Variants in SNTG1 observed in about 807,000 individuals in gnomAD.
The protein encoded by SNTG1 is gamma-1-syntrophin.
In SNTG1, 39 loss-of-function variants were observed where a neutral mutation model predicts 74.7. The observed-to-expected ratio is 0.52, with a 90% CI of 0.40 to 0.68. The LOEUF is 0.68. Ranked by LOEUF, SNTG1 falls within the 30% of genes least tolerant of loss-of-function variation. The probability of loss-of-function intolerance (pLI) is 0.00; values close to 1 mark genes in which losing one functional copy is unlikely to be tolerated. For missense variants in SNTG1, 685 were observed against 609.5 expected, an observed-to-expected ratio of 1.12 and a Z score of -1.30; for synonymous variants, 254 against 217.1, an observed-to-expected ratio of 1.17 and a Z score of -1.49.
At chr8:49,958,674 C>T (rs1810407911) in intron 1 of SNTG1, among the ~76,000 whole-genome samples, 1 of 152,206 alleles carries the variant, frequency 6.6e-6, no homozygotes, top group Non-Finnish European at 1.5e-5. Flanking sequence ...CCGCCTTGGC[C>T]TCCCAAAGTG....
intron 1 of SNTG1, among the ~76,000 whole-genome samples, chr8:49,954,941 TA>T (rs1206548682): frequency 1.3e-5 from 2 of 152,240 alleles, no homozygotes; most frequent in Non-Finnish European, 2.9e-5. Flanking sequence ...GCAGAATGTT[TA>T]ACTGGCATCT....
intron 17 of SNTG1, among the ~76,000 whole-genome samples, chr8:50,732,110 A>G (rs915052574): frequency 6.6e-6 from 1 of 152,010 alleles, no homozygotes; most frequent in Non-Finnish European, 1.5e-5. Flanking sequence ...TGACTCTAAT[A>G]CACATTCTTA....
rs555741420 is a variant in SNTG1 at position 50,631,909 on chromosome 8, C to T, written c.850-25000C>T. The stretch of plus-strand genomic sequence containing the variant: ...TTCTTACCCATTTTTGATGATTAGA[C>T]ACTAAATCAATGCTCACGTCTGCTA... On this transcript the variant is annotated intron_variant, in intron 13 of 18. Transcript: ENST00000642720. Among the ~76,000 whole-genome samples, 97 of 152,306 alleles carry T rather than the reference C, an allele frequency of 6.4e-4. 1 individual carries two copies. Among genetic ancestry groups the T allele is most frequent in the African/African-American group, 2.1e-3 (88 of 41,568 alleles).
intron 13 of SNTG1, among the ~76,000 whole-genome samples, chr8:50,640,967 C>T (rs978093238): frequency 6.6e-6 from 1 of 152,160 alleles, no homozygotes; most frequent in Non-Finnish European, 1.5e-5. Context: ...ACTTATCCAG[C>T]TTAAATTCCA....
chr8:50,539,929 G>A (rs1445765978), intron 11 of SNTG1, among the ~76,000 whole-genome samples: 3 of 152,178 alleles, frequency 2.0e-5, no homozygotes, highest in Admixed American at 1.3e-4. Context: ...TTTTATTGGA[G>A]GCTTTACGTT....
At chr8:50,662,872 G>A (rs1246316649) in intron 15 of SNTG1, among the ~76,000 whole-genome samples, 1 of 152,176 alleles carries the variant, frequency 6.6e-6, no homozygotes, top group Non-Finnish European at 1.5e-5. Context: ...ATTTGTGAAT[G>A]CATTTTTGTC....
At chr8:50,530,137 C>T (rs1328018114) in intron 9 of SNTG1, 40 bp from the exon 10 acceptor site, 31 of 1,541,808 alleles carry the variant, frequency 2.0e-5, no homozygotes, top group Non-Finnish European at 2.7e-5. Context: ...AAGGTTATGG[C>T]ATTCTCACCA....
chr8:50,406,502 C>T (rs921381146), intron 4 of SNTG1, among the ~76,000 whole-genome samples: 5 of 152,050 alleles, frequency 3.3e-5, no homozygotes, highest in African/African-American at 1.2e-4. Context: ...TTACTTATTC[C>T]TTTCAAATTT....
At chr8:50,477,920 G>A (rs904294434) in intron 8 of SNTG1, among the ~76,000 whole-genome samples, 8 of 152,106 alleles carry the variant, frequency 5.3e-5, no homozygotes, top group African/African-American at 1.9e-4. Context: ...GAGAGTGAAA[G>A]TTATTTATCT....
chr8:50,530,340 T>C, intron 10 of SNTG1, 81 bp downstream of exon 10: 1 of 1,296,886 alleles, frequency 7.7e-7, no homozygotes, highest in East Asian at 2.3e-5. Flanking sequence ...CTGATTTATC[T>C]GACAGATAGG....
intron 1 of SNTG1, among the ~76,000 whole-genome samples, chr8:50,155,065 T>C (rs1469638250): frequency 6.6e-6 from 1 of 152,228 alleles, no homozygotes; most frequent in Non-Finnish European, 1.5e-5. Context: ...AATTTTAAAA[T>C]AGCTTGTGAA....
intron 2 of SNTG1, among the ~76,000 whole-genome samples, chr8:50,297,315 A>C (rs2089431673): frequency 6.6e-6 from 1 of 152,168 alleles, no homozygotes; most frequent in Admixed American, 6.6e-5. Flanking sequence ...ATAAGAGATT[A>C]CCAACAATCA....
At chr8:50,125,854 G>A (rs186586945) in intron 1 of SNTG1, among the ~76,000 whole-genome samples, 2 of 152,284 alleles carry the variant, frequency 1.3e-5, no homozygotes, top group Admixed American at 1.3e-4. Context: ...ATCATACAGT[G>A]TGCTCAGTGC....
intron 1 of SNTG1, among the ~76,000 whole-genome samples, chr8:49,976,887 G>T (rs1812243748): frequency 6.6e-6 from 1 of 152,134 alleles, no homozygotes; most frequent in Admixed American, 6.5e-5. Context: ...GATCATTCTG[G>T]CTACTATGTG....
At chr8:50,170,818 G>A (rs141752737) in intron 1 of SNTG1, among the ~76,000 whole-genome samples, 228 of 152,186 alleles carry the variant, frequency 1.5e-3, no homozygotes, top group African/African-American at 4.8e-3. Context: ...CATTCTTGCC[G>A]CTTGCTGGCC....
At chr8:50,496,294 A>T (rs539069716) in intron 8 of SNTG1, among the ~76,000 whole-genome samples, 1 of 152,192 alleles carries the variant, frequency 6.6e-6, no homozygotes, top group Non-Finnish European at 1.5e-5. Context: ...CCCTGACATC[A>T]TATGAGGCCA....
chr8:50,393,291 T>C (rs1341868283), intron 2 of SNTG1, among the ~76,000 whole-genome samples: 3 of 152,148 alleles, frequency 2.0e-5, no homozygotes, highest in African/African-American at 4.8e-5. Context: ...TTGCCACACT[T>C]ACCTGATAAA....
intron 1 of SNTG1, among the ~76,000 whole-genome samples, chr8:50,123,944 T>C (rs1027426293): frequency 7.0e-6 from 1 of 142,508 alleles, no homozygotes; most frequent in African/African-American, 2.5e-5. Flanking sequence ...ATATAAATAA[T>C]ATAGGGTTTT....
At chr8:50,282,178 C>T (rs1184661914) in intron 2 of SNTG1, among the ~76,000 whole-genome samples, 1 of 152,088 alleles carries the variant, frequency 6.6e-6, no homozygotes, top group Admixed American at 6.6e-5. Context: ...GAAATGTCAG[C>T]CCCAAGATAA....
Sources: allele counts gnomAD v4.1 joint callset (sites outside exome capture counted in the v4.1 genomes callset), GRCh38; gene constraint gnomAD v4.1.1; transcripts MANE v1.5; gene names NCBI Gene and HGNC (gene_info 2026-07-23, HGNC 2026-07-21).